Variants in RPN2 observed in about 807,000 individuals in gnomAD.
The protein encoded by RPN2 is dolichyl-diphosphooligosaccharide--protein glycosyltransferase subunit 2.
RPN2 carries 29 observed loss-of-function variants against 71.4 expected under a neutral mutation model. The observed-to-expected ratio is 0.41, with a 90% confidence interval of 0.30 to 0.55. RPN2 has a LOEUF of 0.55. Ranked by LOEUF, RPN2 falls within the 20% of genes least tolerant of loss-of-function variation. The pLI is 0.35. For synonymous variants in RPN2, 308 were observed against 305.0 expected (o/e 1.01, Z -0.10); for missense variants, 726 against 774.1 (o/e 0.94, Z 0.74).
Position 37,179,352 on chromosome 20 carries a change from G to T in RPN2, c.-5G>T, listed in dbSNP as rs2146485140. 1.4e-6 allele frequency: 1 copy of T among 703,602 alleles called. No individual in the cohort carries two copies. The allele number at this position is 703,602 out of a possible 1,614,324, so 43.6% of individuals were successfully genotyped here. A position where few individuals can be genotyped will look rare whatever the true frequency, so the allele number is the denominator to read the frequency against. On this transcript the variant is annotated 5_prime_UTR_variant, in exon 1 of 17. Coordinates refer to ENST00000237530, the MANE Select transcript of RPN2 (RefSeq NM_002951.5). ...CTCGGACTCCGGCGGGACCTGCTCG[G>T]AGGAATGGCGCCGCCGGGTGAGGAG... is the stretch of plus-strand genomic sequence containing the variant.
At chr20:37,210,233 G>A (rs2067625004) in intron 8 of RPN2, 68 bp downstream of exon 8, 3 of 1,604,742 alleles carry the variant, frequency 1.9e-6, no homozygotes, top group Admixed American at 1.7e-5. Context: ...TGCAGCCAGT[G>A]TAACAGATTA....
At chr20:37,213,654 T>TCAAAAGGAAG in intron 8 of RPN2, 106 bp from the exon 9 acceptor site, 1 of 850,802 alleles carries the variant, frequency 1.2e-6, no homozygotes, top group Non-Finnish European at 2.0e-6. Flanking sequence ...AGGTAAGGAG[T>TCAAAAGGAAG]TGGCTAGCCT....
At chr20:37,231,063 A>G (rs1291141761) in intron 13 of RPN2, among the ~76,000 whole-genome samples, 1 of 152,032 alleles carries the variant, frequency 6.6e-6, no homozygotes, top group Non-Finnish European at 1.5e-5. Flanking sequence ...AATCTTTTTT[A>G]AAAAGTTCTA....
At chr20:37,220,210 T>A (rs1239717635) in intron 9 of RPN2, among the ~76,000 whole-genome samples, 1 of 150,924 alleles carries the variant, frequency 6.6e-6, no homozygotes, top group African/African-American at 2.4e-5. Flanking sequence ...TGTGTGAGTG[T>A]GAGAGAGAGA....
chr20:37,234,102 G>A lies in RPN2; in HGVS notation c.1753+7G>A. On this transcript the variant is annotated splice_region_variant and intron_variant, in intron 15 of 16. Transcript: ENST00000237530. ...TTTCACCTGGGACATGCTGGTAAGT[G>A]CCCCAGGCTGCTAATTACCTGTAAC... The A allele has an allele frequency of 6.2e-7, 1 of 1,613,860 alleles. No individual in the cohort carries two copies.
At position 37,241,446 on chromosome 20, in the gene RPN2, T is replaced by C. The variant is rs2068548968; in HGVS notation, c.*131T>C. On this transcript the variant is annotated 3_prime_UTR_variant, in exon 17 of 17. Transcript: ENST00000237530. ...AAGAAAAAAGTCCAGATTGTAGTTA[T>C]ACTTTTGCTTGTTTTTCAGTTTCCC... 3 of 1,118,922 alleles carry C rather than the reference T, an allele frequency of 2.7e-6. No homozygotes were observed. The highest frequency in any genetic ancestry group is 3.9e-6 in the Non-Finnish European group (3 of 772,134). The allele number at this position is 1,118,922 out of a possible 1,614,324, so 69.3% of individuals were successfully genotyped here. A position where few individuals can be genotyped will look rare whatever the true frequency, so the allele number is the denominator to read the frequency against.
At chr20:37,236,385 C>A (rs1168710446) in intron 15 of RPN2, among the ~76,000 whole-genome samples, 195 bp from the exon 16 acceptor site, 1 of 152,214 alleles carries the variant, frequency 6.6e-6, no homozygotes, top group East Asian at 1.9e-4. Flanking sequence ...CTGTGCCTGG[C>A]CACACACTTG....
At chr20:37,206,442 C>T (rs1034214226) in intron 6 of RPN2, among the ~76,000 whole-genome samples, 1 of 152,070 alleles carries the variant, frequency 6.6e-6, no homozygotes, top group Non-Finnish European at 1.5e-5. Context: ...ACAAACAGTC[C>T]TACATTTGAA....
At chr20:37,198,376 T>G in intron 2 of RPN2, 21 bp from the exon 3 acceptor site, 1 of 1,614,216 alleles carries the variant, frequency 6.2e-7, no homozygotes. Context: ...CACTTAACAT[T>G]GACTTTTCCC....
At chr20:37,208,435 G>C (rs183568720) in intron 7 of RPN2, among the ~76,000 whole-genome samples, 23 of 151,858 alleles carry the variant, frequency 1.5e-4, no homozygotes, top group Non-Finnish European at 2.5e-4. Context: ...TTTGAGACGC[G>C]GTCTCGCTAT....
Position 37,225,873 on chromosome 20 carries a change from A to T in RPN2, c.1299+71A>T, listed in dbSNP as rs527914595. On this transcript the variant is annotated intron_variant, in intron 11 of 16. Coordinates refer to ENST00000237530, the MANE Select transcript of RPN2 (RefSeq NM_002951.5). ...GATACTAGAGTTTACAATGTGGTCTATAACATGGACTAGAGAGAATTCCAC... is the reference window on the plus strand; with the variant it reads ...GATACTAGAGTTTACAATGTGGTCTTTAACATGGACTAGAGAGAATTCCAC... 7.6e-6 allele frequency: 8 copies of T among 1,055,100 alleles called. No individual in the cohort carries two copies. The South Asian group carries it at 9.1e-5, about 12-fold the overall frequency. The allele number at this position is 1,055,100 out of a possible 1,614,324, so 65.4% of individuals were successfully genotyped here. A position where few individuals can be genotyped will look rare whatever the true frequency, so the allele number is the denominator to read the frequency against.
intron 16 of RPN2, among the ~76,000 whole-genome samples, chr20:37,238,062 C>T (rs1170029158): frequency 6.6e-6 from 1 of 152,134 alleles, no homozygotes; most frequent in Non-Finnish European, 1.5e-5. Flanking sequence ...AAAATCAAGA[C>T]AAGAATTGAG....
chr20:37,201,116 A>G (rs988050414), intron 4 of RPN2, among the ~76,000 whole-genome samples: 1 of 150,842 alleles, frequency 6.6e-6, no homozygotes, highest in Admixed American at 6.6e-5. Context: ...TAAATGAGAT[A>G]ATAGGTGTGA....
chr20:37,230,561 A>G (rs963390348), intron 13 of RPN2, among the ~76,000 whole-genome samples: 4 of 152,210 alleles, frequency 2.6e-5, no homozygotes, highest in Admixed American at 2.6e-4. Context: ...AAATGTTTCT[A>G]AAGCCCTTTC....
chr20:37,203,880 TC>T lies in RPN2; in HGVS notation c.480-3del, dbSNP rs754106544. The stretch of plus-strand genomic sequence containing the variant: ...TTCATTGGGGTTCTACTCTTTACCT[TC>T]CAGAACAGTCCAGGCTCTGCAGACA... On this transcript the variant is annotated splice_region_variant and splice_polypyrimidine_tract_variant and intron_variant, in intron 4 of 16. Coordinates refer to ENST00000237530, the MANE Select transcript of RPN2 (RefSeq NM_002951.5). The T allele has an allele frequency of 6.2e-7, 1 of 1,611,974 alleles. No individual in the cohort carries two copies. Among genetic ancestry groups the T allele is most frequent in the Non-Finnish European group, 8.5e-7 (1 of 1,178,034 alleles).
chr20:37,189,892 A>G (rs1286605337), intron 2 of RPN2, among the ~76,000 whole-genome samples: 1 of 152,236 alleles, frequency 6.6e-6, no homozygotes, highest in African/African-American at 2.4e-5. Context: ...TGGCACAGAC[A>G]CTGTATTCGC....
At chr20:37,226,181 C>G (rs2068071580) in intron 11 of RPN2, among the ~76,000 whole-genome samples, 1 of 152,170 alleles carries the variant, frequency 6.6e-6, no homozygotes, top group Non-Finnish European at 1.5e-5. Flanking sequence ...TCAAGCGATT[C>G]TCCTACCTCA....
At chr20:37,202,699 A>ATTTT (rs1343361704) in intron 4 of RPN2, among the ~76,000 whole-genome samples, 1 of 152,238 alleles carries the variant, frequency 6.6e-6, no homozygotes, top group African/African-American at 2.4e-5. Context: ...TATAGATAAA[A>ATTTT]ATATATGAAT....
chr20:37,181,199 A>G (rs923811884), intron 1 of RPN2, among the ~76,000 whole-genome samples: 2 of 151,646 alleles, frequency 1.3e-5, no homozygotes, highest in African/African-American at 4.8e-5. Flanking sequence ...ACTGCACTCC[A>G]GCCTGGCAAC....
Sources: allele counts gnomAD v4.1 joint callset (sites outside exome capture counted in the v4.1 genomes callset), GRCh38; gene constraint gnomAD v4.1.1; transcripts MANE v1.5; gene names NCBI Gene and HGNC (gene_info 2026-07-23, HGNC 2026-07-21).